CTNNA2: variants seen among roughly 807,000 people sequenced by gnomAD.
CTNNA2 encodes the protein catenin alpha 2.
A neutral mutation model predicts 101.0 loss-of-function variants in CTNNA2; 42 were observed. That is an observed-to-expected ratio of 0.42 (90% CI 0.32 to 0.54). CTNNA2 has a LOEUF of 0.54. CTNNA2 is among the 20% of genes least tolerant of loss of function. CTNNA2 has a pLI of 0.14. For missense variants in CTNNA2, 871 were observed against 1,223.1 expected (o/e 0.71, Z 4.29); for synonymous variants, 450 against 456.4 (o/e 0.99, Z 0.18).
At chr2:79,254,975 T>C (rs1401921721) in intron 2 of CTNNA2, among the ~76,000 whole-genome samples, 1 of 152,098 alleles carries the variant, frequency 6.6e-6, no homozygotes, top group African/African-American at 2.4e-5. Context: ...TAGTCCATGG[T>C]TTAGCTGAAG....
At chr2:79,788,191 A>G (rs1446190193) in intron 3 of CTNNA2, among the ~76,000 whole-genome samples, 1 of 152,156 alleles carries the variant, frequency 6.6e-6, no homozygotes, top group Non-Finnish European at 1.5e-5. Context: ...CAGGTGAAGA[A>G]CCTGCTCAGT....
intron 4 of CTNNA2, among the ~76,000 whole-genome samples, chr2:79,386,969 C>T (rs529807409): frequency 2.0e-5 from 3 of 152,268 alleles, no homozygotes; most frequent in East Asian, 3.9e-4. Flanking sequence ...GTGTGGATGC[C>T]ACTTTGAGAA....
At chr2:80,017,822 G>A (rs761323942) in intron 7 of CTNNA2, among the ~76,000 whole-genome samples, 8 of 152,060 alleles carry the variant, frequency 5.3e-5, no homozygotes, top group Non-Finnish European at 7.4e-5. Context: ...AGTAAGCCAC[G>A]AAGTCATTTC....
chr2:80,241,024 T>C (rs1404936942), intron 7 of CTNNA2, among the ~76,000 whole-genome samples: 4 of 151,756 alleles, frequency 2.6e-5, no homozygotes, highest in Non-Finnish European at 5.9e-5. Flanking sequence ...GTTGGAAAAA[T>C]GGGGAAGTTA....
Position 79,982,236 on chromosome 2 carries a change from ATATATG to A in CTNNA2, c.1056+72443_1056+72448del, listed in dbSNP as rs1312625223. Among the ~76,000 whole-genome samples, 123 of 96,700 alleles carry A rather than the reference ATATATG, an allele frequency of 1.3e-3. 4 individuals are homozygous for A. The highest frequency in any genetic ancestry group is 7.5e-3 in the South Asian group (22 of 2,948). The allele number at this position is 96,700 out of a possible 152,430, so 63.4% of individuals were successfully genotyped here. On this transcript the variant is annotated intron_variant, in intron 7 of 18. Coordinates refer to ENST00000402739, the MANE Select transcript of CTNNA2 (RefSeq NM_001282597.3). Reference sequence around the variant, plus strand: ...TATATATATATATATATATATATATATATATGTATGTATATGTACACACACACATAA... The same window carrying A: ...TATATATATATATATATATATATATATATGTATATGTACACACACACATAA...
chr2:80,161,899 T>A (rs1390568896), intron 7 of CTNNA2, among the ~76,000 whole-genome samples: 1 of 128,786 alleles, frequency 7.8e-6, no homozygotes, highest in Non-Finnish European at 1.7e-5. Context: ...CACATGTATG[T>A]TCAATTAGGG....
At chr2:79,793,625 G>C (rs887158422) in intron 3 of CTNNA2, among the ~76,000 whole-genome samples, 1 of 151,962 alleles carries the variant, frequency 6.6e-6, no homozygotes, top group African/African-American at 2.4e-5. Context: ...CGAATAAAGG[G>C]GCAGTTAGTG....
chr2:80,154,367 A>T (rs1445650142), intron 7 of CTNNA2, among the ~76,000 whole-genome samples: 1 of 152,162 alleles, frequency 6.6e-6, no homozygotes, highest in East Asian at 1.9e-4. Flanking sequence ...AAATGAGATG[A>T]TGTTTTTTGA....
intron 12 of CTNNA2, among the ~76,000 whole-genome samples, chr2:80,569,920 G>T (rs928125956): frequency 4.6e-5 from 7 of 152,034 alleles, no homozygotes; most frequent in African/African-American, 1.7e-4. Context: ...GGGATTACAG[G>T]CATGAGCCAA....
intron 11 of CTNNA2, among the ~76,000 whole-genome samples, chr2:80,547,690 C>CCTTTTTT (rs1692196737): frequency 8.0e-6 from 1 of 124,314 alleles, no homozygotes; most frequent in Non-Finnish European, 1.6e-5. Context: ...GTCACTTCTG[C>CCTTTTTT]TTTTTTTTTT....
At chr2:80,372,964 C>G (rs1259949548) in intron 7 of CTNNA2, among the ~76,000 whole-genome samples, 2 of 152,170 alleles carry the variant, frequency 1.3e-5, no homozygotes, top group African/African-American at 4.8e-5. Flanking sequence ...GGGTAGCCCT[C>G]CACAACAAAG....
chr2:79,557,624 A>G (rs913473972), intron 1 of CTNNA2, among the ~76,000 whole-genome samples: 2 of 151,920 alleles, frequency 1.3e-5, no homozygotes, highest in Admixed American at 1.3e-4. Context: ...TTGGAAAATT[A>G]TATTAACTTC....
intron 7 of CTNNA2, among the ~76,000 whole-genome samples, chr2:80,334,048 C>T (rs545498786): frequency 6.6e-6 from 1 of 152,264 alleles, no homozygotes; most frequent in Non-Finnish European, 1.5e-5. Flanking sequence ...ACTGTGGCAG[C>T]CTTGCCTTTC....
intron 7 of CTNNA2, among the ~76,000 whole-genome samples, chr2:79,963,070 C>CAA (rs56764501): frequency 0.01 from 663 of 66,144 alleles, 33 homozygotes; most frequent in Non-Finnish European, 0.013. Flanking sequence ...GACTCCGTCT[C>CAA]AAAAAAAAAA....
chr2:80,328,008 T>C (rs1014622522), intron 7 of CTNNA2, among the ~76,000 whole-genome samples: 7 of 152,240 alleles, frequency 4.6e-5, no homozygotes, highest in Non-Finnish European at 8.8e-5. Context: ...CTTATTAACA[T>C]GGATGGCTTA....
intron 4 of CTNNA2, among the ~76,000 whole-genome samples, chr2:79,412,757 G>C (rs1178526384): frequency 6.6e-6 from 1 of 152,206 alleles, no homozygotes; most frequent in East Asian, 1.9e-4. Context: ...TGTGTAGAGG[G>C]AAATTTATAG....
At chr2:79,857,230 T>G (rs2103945175) in intron 3 of CTNNA2, among the ~76,000 whole-genome samples, 1 of 152,316 alleles carries the variant, frequency 6.6e-6, no homozygotes, top group Non-Finnish European at 1.5e-5. Context: ...TTCCCCCCAG[T>G]CTCACAATAA....
chr2:80,626,670 A>G (rs190725093), intron 18 of CTNNA2, among the ~76,000 whole-genome samples: 5 of 152,256 alleles, frequency 3.3e-5, no homozygotes, highest in Admixed American at 2.0e-4. Flanking sequence ...ATAAGATTCA[A>G]TTCGAAGTAA....
intron 16 of CTNNA2, 138 bp downstream of exon 16, chr2:80,604,317 C>T (rs1697810715): frequency 2.9e-6 from 2 of 678,806 alleles, no homozygotes; most frequent in East Asian, 2.7e-5. Flanking sequence ...ATTTTACACA[C>T]TGGTATCTGC....
Sources: allele counts gnomAD v4.1 joint callset (sites outside exome capture counted in the v4.1 genomes callset), GRCh38; gene constraint gnomAD v4.1.1; transcripts MANE v1.5; gene names NCBI Gene and HGNC (gene_info 2026-07-23, HGNC 2026-07-21).